Variants in SCEL observed in about 807,000 individuals in gnomAD.
The protein encoded by SCEL is sciellin.
In SCEL, 113 loss-of-function variants were observed where a neutral mutation model predicts 117.6. That is an observed-to-expected ratio of 0.96 (90% CI 0.83 to 1.12). The LOEUF is 1.12. Ranked by LOEUF, SCEL falls within the 50% of genes most tolerant of loss-of-function variation. The pLI, the probability that SCEL is intolerant of heterozygous loss-of-function variation, is 0.00. For synonymous variants in SCEL, 270 were observed against 256.2 expected (o/e 1.05, Z -0.51); for missense variants, 785 against 810.8 (o/e 0.97, Z 0.39).
chr13:77,556,636 G>C lies in SCEL; in HGVS notation c.84G>C (p.Gln28His). The C allele has an allele frequency of 1.9e-6, 3 of 1,614,064 alleles. No homozygotes were observed. The highest frequency in any genetic ancestry group is 2.5e-6 in the Non-Finnish European group (3 of 1,179,958). Residue 28 changes from glutamine to histidine, a missense_variant, in exon 3 of 33, where the codon CAG (glutamine) becomes CAC (histidine). By Grantham distance (24) the Gln-to-His change is conservative (BLOSUM62 0). Coordinates refer to ENST00000349847, the MANE Select transcript of SCEL (RefSeq NM_144777.3). ...CTCAGGGAACCACACGGAAGCAGCAGGATTTTCACGAGGTGAACAAAAGAA... is the reference window on the plus strand; with the variant it reads ...CTCAGGGAACCACACGGAAGCAGCACGATTTTCACGAGGTGAACAAAAGAA... ...STTQGTTRKQ[Q>H]DFHEVNKRRT...
chr13:77,536,760 G>T (rs1284614610), intron 1 of SCEL, among the ~76,000 whole-genome samples: 1 of 152,180 alleles, frequency 6.6e-6, no homozygotes, highest in Non-Finnish European at 1.5e-5. Context: ...CCAGAGAGGT[G>T]CCCCCACAGC....
intron 15 of SCEL, among the ~76,000 whole-genome samples, chr13:77,601,194 G>A (rs1004103895): frequency 1.3e-5 from 2 of 151,604 alleles, no homozygotes; most frequent in Non-Finnish European, 2.9e-5. Flanking sequence ...AAACAGTTTG[G>A]AGAGTTCTGC....
At position 77,623,036 on chromosome 13, in the gene SCEL, T is replaced by C. The variant is rs369364928; in HGVS notation, c.1629-4911T>C. Among the ~76,000 whole-genome samples, 5 of 152,344 alleles carry C rather than the reference T, an allele frequency of 3.3e-5. No individual in the cohort carries two copies. In the East Asian group the frequency reaches 9.6e-4, roughly 29 times the overall value. On this transcript the variant is annotated intron_variant, in intron 27 of 32. Transcript: ENST00000349847. ...TCTACACCACCGCCATGAAAGGGGT[T>C]TGGAATCAAGCCTCTGCTTAACCCT...
In SCEL at chr13:77,644,369, A is replaced by G; in HGVS notation, c.*95A>G. On this transcript the variant is annotated 3_prime_UTR_variant, in exon 33 of 33. Transcript: ENST00000349847. ...ATATGTAATCTAGAAAAGCTTTCAC[A>G]TTGAAGATCAACTCTTGTACAAAAT... 8.2e-7 allele frequency: 1 copy of G among 1,223,770 alleles called. No homozygotes were observed. The highest frequency in any genetic ancestry group is 1.3e-5 in the South Asian group (1 of 76,714). 75.8% of individuals were successfully genotyped at this position (1,223,770 alleles called of 1,614,324 possible).
chr13:77,640,773 A>G lies in SCEL; in HGVS notation c.1936A>G (p.Thr646Ala), dbSNP rs138351262. ...TGAATTACAAATTTGCTGCCATTCT[A>G]CTTGCTTTAAGGTAAGGATGTGTTT... ...LDELQICCHSTCFKCEICKQP... is the reference protein window; with the variant it reads ...LDELQICCHSACFKCEICKQP... Residue 646 changes from threonine (T) to alanine (A), a missense_variant, in exon 31 of 33, where the codon ACT becomes GCT. Transcript: ENST00000349847. 6.5e-7 allele frequency: 1 copy of G among 1,550,096 alleles called. No homozygotes were observed. The highest frequency in any genetic ancestry group is 1.7e-5 in the Admixed American group (1 of 58,818).
At chr13:77,602,441 G>A in intron 16 of SCEL, 1 of 506,422 alleles carries the variant, frequency 2.0e-6, no homozygotes, top group South Asian at 3.8e-5. Context: ...GAGCCACATT[G>A]AGAAGCCTTT....
chr13:77,629,464 CTAAA>C (rs981826154), intron 28 of SCEL, among the ~76,000 whole-genome samples: 2 of 152,002 alleles, frequency 1.3e-5, no homozygotes, highest in Admixed American at 6.6e-5. Context: ...AATTAAAAAT[CTAAA>C]TAAGAGTCCC....
chr13:77,602,816 C>T, intron 17 of SCEL, 103 bp downstream of exon 17: 1 of 991,992 alleles, frequency 1.0e-6, no homozygotes, highest in Middle Eastern at 3.0e-4. Context: ...TCTTCTGTGT[C>T]TAATCCCTGG....
rs1011832487 is a variant in SCEL, at chr13:77,600,230, G to C, written c.917+482G>C. 2.6e-5 allele frequency among the ~76,000 whole-genome samples: 4 copies of C among 152,118 alleles called. No homozygotes were observed. In the East Asian group the frequency reaches 7.7e-4, roughly 29 times the overall value. On this transcript the variant is annotated intron_variant, in intron 15 of 32. Transcript: ENST00000349847. ...TGCAGCCACCGCCTCCCGGGTTCAA[G>C]TGATTCTTTTGCCCCAGCCTTCCGA...
Position 77,602,661 on chromosome 13 carries a change from A to C in SCEL, c.985A>C (p.Asn329His). Residue 329 changes from asparagine (N) to histidine (H), a missense_variant, in exon 17 of 33, where the codon AAT becomes CAT. Coordinates refer to ENST00000349847, the MANE Select transcript of SCEL (RefSeq NM_144777.3). The part of the protein sequence containing the change: ...RTDKNEKGRQ[N>H]LESVAKVNAR... ...TTGGTGTTTTTTCCAAAGAAGACAA[A>C]ATCTCGAATCTGTTGCTAAAGTGAA... 6.2e-7 allele frequency: 1 copy of C among 1,613,706 alleles called. No homozygotes were observed. The highest frequency in any genetic ancestry group is 8.5e-7 in the Non-Finnish European group (1 of 1,179,762).
intron 6 of SCEL, among the ~76,000 whole-genome samples, 175 bp from the exon 7 acceptor site, chr13:77,568,120 G>A (rs544551064): frequency 6.6e-6 from 1 of 152,206 alleles, no homozygotes; most frequent in East Asian, 1.9e-4. Context: ...TTGGAATCTA[G>A]TACAAGAGAC....
intron 28 of SCEL, among the ~76,000 whole-genome samples, chr13:77,633,084 G>T (rs1055593786): frequency 6.6e-6 from 1 of 152,222 alleles, no homozygotes; most frequent in African/African-American, 2.4e-5. Flanking sequence ...TAAGGCAGAG[G>T]TTTCCGTAGA....
At chr13:77,551,305 G>A (rs1302769794) in intron 1 of SCEL, among the ~76,000 whole-genome samples, 1 of 152,140 alleles carries the variant, frequency 6.6e-6, no homozygotes. Context: ...ATTAGCAATT[G>A]CCCTGTGCAA....
At chr13:77,625,669 A>G (rs1391054993) in intron 27 of SCEL, among the ~76,000 whole-genome samples, 9 of 152,210 alleles carry the variant, frequency 5.9e-5, no homozygotes, top group Non-Finnish European at 1.0e-4. Context: ...CCGAATTTGC[A>G]TATTTTACCA....
chr13:77,583,452 G>A lies in SCEL; in HGVS notation c.546-5692G>A, dbSNP rs115194435. 4.4e-3 allele frequency among the ~76,000 whole-genome samples: 665 copies of A among 152,250 alleles called. 3 individuals carry two copies. The highest frequency in any genetic ancestry group is 0.015 in the African/African-American group (621 of 41,532). On this transcript the variant is annotated intron_variant, in intron 9 of 32. Transcript: ENST00000349847. ...GTGCCTTGCATTCTCCAAGCTCTTCGAAGGCATGGACTACATCTTTTCTAG... is the reference window on the plus strand; with the variant it reads ...GTGCCTTGCATTCTCCAAGCTCTTCAAAGGCATGGACTACATCTTTTCTAG...
chr13:77,604,288 A>T, intron 18 of SCEL, 68 bp from the exon 19 acceptor site: 1 of 965,372 alleles, frequency 1.0e-6, no homozygotes, highest in Non-Finnish European at 1.5e-6. Flanking sequence ...TAATTTTTCC[A>T]GCCATTATTC....
At chr13:77,565,605 A>G (rs1447642994) in intron 5 of SCEL, among the ~76,000 whole-genome samples, 1 of 152,228 alleles carries the variant, frequency 6.6e-6, no homozygotes, top group African/African-American at 2.4e-5. Context: ...GACCACTCCA[A>G]AATGTAAGAC....
chr13:77,605,728 C>T (rs1469835590), intron 19 of SCEL, among the ~76,000 whole-genome samples: 2 of 152,064 alleles, frequency 1.3e-5, no homozygotes, highest in Non-Finnish European at 2.9e-5. Context: ...ATTTCCAGGC[C>T]GAGCACAGTG....
At chr13:77,572,269 A>T in intron 9 of SCEL, 80 bp downstream of exon 9, 1 of 1,147,082 alleles carries the variant, frequency 8.7e-7, no homozygotes, top group Non-Finnish European at 1.3e-6. Flanking sequence ...ATAATTGTGG[A>T]TGTTTTGGGA....
Sources: gnomAD v4.1 joint callset for allele counts (sites outside exome capture counted in the v4.1 genomes callset) on GRCh38, gnomAD v4.1.1 for gene constraint, MANE v1.5 for transcripts, NCBI Gene and HGNC (gene_info 2026-07-23, HGNC 2026-07-21) for gene names.